TCF12: variants seen among roughly 807,000 people sequenced by gnomAD.
TCF12 encodes DNA-binding protein HTF4.
Under a neutral mutation model 86.0 loss-of-function variants are expected in TCF12, and 45 were observed. That is an observed-to-expected ratio of 0.52 (90% CI 0.41 to 0.67). The LOEUF (loss-of-function observed/expected upper bound fraction) is 0.67, where lower values mean the gene tolerates loss of function less well. TCF12 is among the 30% of genes least tolerant of loss of function. TCF12 has a pLI of 0.00. For missense variants in TCF12, 881 were observed against 859.9 expected, an observed-to-expected ratio of 1.02 and a Z score of -0.31; for synonymous variants, 330 against 299.6, an observed-to-expected ratio of 1.10 and a Z score of -1.05.
intron 12 of TCF12, among the ~76,000 whole-genome samples, chr15:57,238,847 G>A (rs1350296333): frequency 6.6e-6 from 1 of 152,152 alleles, no homozygotes; most frequent in African/African-American, 2.4e-5. Flanking sequence ...GTATAACACA[G>A]TGTGAAGTAA....
chr15:57,225,277 A>C (rs2058821234), intron 8 of TCF12, among the ~76,000 whole-genome samples: 1 of 116,566 alleles, frequency 8.6e-6, no homozygotes, highest in East Asian at 2.9e-4. Flanking sequence ...ACTGTCGCCC[A>C]GACTGGAGTG....
chr15:57,237,880 T>C (rs2059444630), intron 12 of TCF12, among the ~76,000 whole-genome samples: 1 of 152,228 alleles, frequency 6.6e-6, no homozygotes, highest in Non-Finnish European at 1.5e-5. Context: ...AAATGACCTG[T>C]GATCCAAAAG....
Position 57,186,497 on chromosome 15 carries a change from G to A in TCF12, c.391-5661G>A, listed in dbSNP as rs563075817. ...CTGGGCAACAGAGTGAGACCGTCTC[G>A]AAGAAAAAAAGAAAAGTCCAGGACC... On this transcript the variant is annotated intron_variant, in intron 6 of 20. Transcript: ENST00000333725. 4.6e-5 allele frequency among the ~76,000 whole-genome samples: 7 copies of A among 151,928 alleles called. No homozygotes were observed. In the East Asian group the frequency reaches 5.8e-4, roughly 13 times the overall value.
At chr15:56,942,805 T>C (rs2140368619) in intron 3 of TCF12, among the ~76,000 whole-genome samples, 1 of 152,316 alleles carries the variant, frequency 6.6e-6, no homozygotes, top group East Asian at 1.9e-4. Context: ...ATTGGCTTTT[T>C]AATGAAATTG....
intron 5 of TCF12, among the ~76,000 whole-genome samples, chr15:57,158,001 C>T (rs1360979045): frequency 6.6e-6 from 1 of 152,056 alleles, no homozygotes; most frequent in Non-Finnish European, 1.5e-5. Flanking sequence ...TCTCTTCTGG[C>T]CATTCTAATG....
chr15:57,014,438 C>A (rs2065027269), intron 3 of TCF12, among the ~76,000 whole-genome samples: 1 of 151,404 alleles, frequency 6.6e-6, no homozygotes, highest in African/African-American at 2.4e-5. Context: ...AAAAAAATTT[C>A]TGACCTTCTC....
chr15:57,076,541 T>C (rs2070062182), intron 4 of TCF12, among the ~76,000 whole-genome samples: 1 of 151,272 alleles, frequency 6.6e-6, no homozygotes, highest in Non-Finnish European at 1.5e-5. Context: ...TAGTCCCAGC[T>C]ACTGGGGAGG....
chr15:57,237,785 G>T (rs1334864396), intron 12 of TCF12, among the ~76,000 whole-genome samples: 1 of 152,152 alleles, frequency 6.6e-6, no homozygotes. Context: ...GTGTTTAGAA[G>T]TTAAAGTAGC....
At chr15:57,277,613 G>A (rs1376743723) in intron 19 of TCF12, among the ~76,000 whole-genome samples, 1 of 145,012 alleles carries the variant, frequency 6.9e-6, no homozygotes, top group African/African-American at 2.6e-5. Flanking sequence ...TGGCGACAGA[G>A]TGAGACTCCA....
chr15:57,000,913 ATTATGACTCTACAGCCAT>A (rs1374259072), intron 3 of TCF12, among the ~76,000 whole-genome samples: 9 of 151,430 alleles, frequency 5.9e-5, no homozygotes, highest in Admixed American at 3.3e-4. Context: ...TGTCCTGTTT[ATTATGACTCTACAGCCAT>A]TTTTTTCCTA....
chr15:56,981,355 T>C (rs1185390013), intron 3 of TCF12, among the ~76,000 whole-genome samples: 2 of 152,234 alleles, frequency 1.3e-5, no homozygotes, highest in Non-Finnish European at 2.9e-5. Flanking sequence ...GCCTCTTTGC[T>C]GTGTCCTCTG....
intron 3 of TCF12, among the ~76,000 whole-genome samples, chr15:56,939,337 C>G (rs1327288567): frequency 6.6e-6 from 1 of 151,952 alleles, no homozygotes; most frequent in East Asian, 1.9e-4. Context: ...AGTATGGCAG[C>G]TATGCCTAGT....
At chr15:57,199,834 A>G (rs763774864) in intron 8 of TCF12, among the ~76,000 whole-genome samples, 2 of 152,148 alleles carry the variant, frequency 1.3e-5, no homozygotes, top group Non-Finnish European at 2.9e-5. Context: ...AATTAACTGA[A>G]AGTATGTTTT....
chr15:56,971,342 G>A (rs911404292), intron 3 of TCF12, among the ~76,000 whole-genome samples: 4 of 151,966 alleles, frequency 2.6e-5, no homozygotes, highest in East Asian at 3.9e-4. Context: ...ATAGAGAATC[G>A]CTTGAACCTA....
intron 5 of TCF12, among the ~76,000 whole-genome samples, chr15:57,097,544 T>A (rs1884683283): frequency 6.6e-6 from 1 of 151,340 alleles, no homozygotes; most frequent in African/African-American, 2.4e-5. Flanking sequence ...TAATAAAAAA[T>A]AAAAAAAGAT....
intron 3 of TCF12, among the ~76,000 whole-genome samples, chr15:56,939,837 C>G (rs537698004): frequency 6.6e-6 from 1 of 152,266 alleles, no homozygotes; most frequent in African/African-American, 2.4e-5. Flanking sequence ...CTTACTTACT[C>G]TGCTCAAGGA....
intron 11 of TCF12, 22 bp from the exon 12 acceptor site, chr15:57,234,017 GATTT>G: frequency 6.3e-7 from 1 of 1,599,684 alleles, no homozygotes; most frequent in Non-Finnish European, 8.6e-7. Context: ...TAAAATTCTT[GATTT>G]ATTTCTCTAT....
chr15:57,179,368 G>C (rs2056176405), intron 6 of TCF12, among the ~76,000 whole-genome samples: 1 of 151,994 alleles, frequency 6.6e-6, no homozygotes, highest in South Asian at 2.1e-4. Flanking sequence ...TGCACCTGTA[G>C]TCCCAGCTAC....
chr15:57,121,698 GC>G (rs1430889374), intron 5 of TCF12, among the ~76,000 whole-genome samples: 13 of 152,292 alleles, frequency 8.5e-5, no homozygotes, highest in African/African-American at 3.1e-4. Context: ...AGTCCTGCTA[GC>G]CCCTTAATCT....
Sources: gnomAD v4.1 joint callset for allele counts (sites outside exome capture counted in the v4.1 genomes callset) on GRCh38, gnomAD v4.1.1 for gene constraint, MANE v1.5 for transcripts, NCBI Gene and HGNC (gene_info 2026-07-23, HGNC 2026-07-21) for gene names.